Variants in SMARCC1 observed in about 807,000 individuals in gnomAD.
The protein encoded by SMARCC1 is SWI/SNF complex subunit SMARCC1.
A neutral mutation model predicts 147.4 loss-of-function variants in SMARCC1; 43 were observed. The observed-to-expected ratio is 0.29, with a 90% CI of 0.23 to 0.38. The LOEUF (loss-of-function observed/expected upper bound fraction) is 0.38, where lower values mean the gene tolerates loss of function less well. SMARCC1 is among the 10% of genes least tolerant of loss of function. The probability of loss-of-function intolerance (pLI) is 1.00; values close to 1 mark genes in which losing one functional copy is unlikely to be tolerated. For missense variants in SMARCC1, 1,119 were observed against 1,381.1 expected, an observed-to-expected ratio of 0.81 and a Z score of 3.01; for synonymous variants, 495 against 484.4, an observed-to-expected ratio of 1.02 and a Z score of -0.29.
chr3:47,662,660 T>C (rs2033362848), intron 19 of SMARCC1, 68 bp from the exon 20 acceptor site: 1 of 1,305,274 alleles, frequency 7.7e-7, no homozygotes, highest in Non-Finnish European at 1.1e-6. Flanking sequence ...TTAGAAGTTC[T>C]TTAGATAGCT....
rs1393804231 is a variant in SMARCC1 at position 47,661,366 on chromosome 3, T to C, written c.2248A>G (p.Lys750Glu). 1 of 1,613,962 alleles carries C rather than the reference T, an allele frequency of 6.2e-7. No individual in the cohort carries two copies. The highest frequency in any genetic ancestry group is 8.5e-7 in the Non-Finnish European group (1 of 1,179,928). The stretch of plus-strand genomic sequence containing the variant: ...TCCAGACCGTAGGTGGGATCCACTT[T>C]CCCAGAGGCTCGTGCTGCTTCTTGT... ...KVQEAARASG[K>E]VDPTYGLESS... Residue 750 changes from lysine (K) to glutamate (E), a missense_variant, in exon 21 of 28, where the codon AAA (lysine) becomes GAA (glutamate). Transcript: ENST00000254480.
rs116221285 is a variant in SMARCC1 at position 47,715,841 on chromosome 3, C to T, written c.717-1351G>A. 2.0e-3 allele frequency among the ~76,000 whole-genome samples: 309 copies of T among 152,248 alleles called. 1 individual carries two copies. Among genetic ancestry groups the T allele is most frequent in the African/African-American group, 7.0e-3 (290 of 41,544 alleles). ...ACATTCCCTACTAAGCCTGCATACA[C>T]TCTACACAGATTGCTCCCTCACTGT... On this transcript the variant is annotated intron_variant, in intron 7 of 27. Transcript: ENST00000254480.
intron 10 of SMARCC1, among the ~76,000 whole-genome samples, chr3:47,704,983 C>T (rs1217256508): frequency 7.0e-6 from 1 of 143,252 alleles, no homozygotes; most frequent in Non-Finnish European, 1.5e-5. Flanking sequence ...GCTCATGACC[C>T]TGTCTCAAAA....
intron 26 of SMARCC1, among the ~76,000 whole-genome samples, chr3:47,602,313 T>A (rs2106656663): frequency 6.6e-6 from 1 of 152,210 alleles, no homozygotes; most frequent in Middle Eastern, 3.4e-3. Context: ...CCAGTTTTTT[T>A]AAAAGACAGG....
At chr3:47,770,635 C>G (rs529217702) in intron 2 of SMARCC1, among the ~76,000 whole-genome samples, 1 of 151,880 alleles carries the variant, frequency 6.6e-6, no homozygotes, top group African/African-American at 2.4e-5. Flanking sequence ...AAAAAAAGAT[C>G]AGCCTAGGCA....
chr3:47,693,321 G>A (rs963887556), intron 11 of SMARCC1, 21 bp from the exon 12 acceptor site: 1 of 1,418,844 alleles, frequency 7.0e-7, no homozygotes, highest in Non-Finnish European at 9.9e-7. Flanking sequence ...AAAAAAAAGA[G>A]TTATGTTTAT....
chr3:47,684,523 C>G (rs1359315361), intron 14 of SMARCC1, among the ~76,000 whole-genome samples: 4 of 151,656 alleles, frequency 2.6e-5, no homozygotes, highest in Non-Finnish European at 5.9e-5. Context: ...TCAATGCAAC[C>G]TCTGCCTCCT....
chr3:47,648,314 T>C (rs989620475), intron 21 of SMARCC1, among the ~76,000 whole-genome samples: 5 of 152,142 alleles, frequency 3.3e-5, no homozygotes, highest in Non-Finnish European at 5.9e-5. Context: ...TCTTTTTCTA[T>C]GTTCAGCTCA....
intron 3 of SMARCC1, 70 bp from the exon 4 acceptor site, chr3:47,738,180 A>G (rs950199884): frequency 1.0e-6 from 1 of 975,122 alleles, no homozygotes; most frequent in African/African-American, 1.7e-5. Context: ...TGGTTTTAGA[A>G]TTCGATGCAA....
chr3:47,616,723 G>T (rs1274421131), intron 25 of SMARCC1, among the ~76,000 whole-genome samples: 1 of 152,046 alleles, frequency 6.6e-6, no homozygotes, highest in South Asian at 2.1e-4. Context: ...TGGGATTACA[G>T]GTATGAGCCA....
intron 21 of SMARCC1, among the ~76,000 whole-genome samples, chr3:47,640,791 A>C (rs1028189939): frequency 2.0e-5 from 3 of 152,190 alleles, no homozygotes; most frequent in African/African-American, 7.2e-5. Flanking sequence ...ATATTAGACG[A>C]CACTAGGCTA....
intron 2 of SMARCC1, among the ~76,000 whole-genome samples, chr3:47,754,318 T>A (rs1351129532): frequency 2.0e-5 from 3 of 152,040 alleles, no homozygotes; most frequent in African/African-American, 7.2e-5. Flanking sequence ...TTCTCCTGCC[T>A]GAGCCTCCTC....
At chr3:47,695,171 GATTAATGCCCTT>G (rs1476094189) in intron 11 of SMARCC1, among the ~76,000 whole-genome samples, 1 of 152,102 alleles carries the variant, frequency 6.6e-6, no homozygotes, top group East Asian at 1.9e-4. Context: ...TCAAGAACAG[GATTAATGCCCTT>G]ATAACTGGGT....
At chr3:47,674,136 C>G (rs1008600238) in intron 18 of SMARCC1, among the ~76,000 whole-genome samples, 8 of 152,150 alleles carry the variant, frequency 5.3e-5, no homozygotes, top group Non-Finnish European at 7.4e-5. Flanking sequence ...CTCCTTCTGC[C>G]TTTCTGCCAT....
intron 2 of SMARCC1, among the ~76,000 whole-genome samples, chr3:47,758,021 C>A (rs1373271796): frequency 6.6e-6 from 1 of 152,064 alleles, no homozygotes; most frequent in African/African-American, 2.4e-5. Flanking sequence ...TAGCTCTAAG[C>A]TGCAAATTAC....
intron 2 of SMARCC1, among the ~76,000 whole-genome samples, chr3:47,764,517 G>A (rs140639017): frequency 9.3e-4 from 141 of 152,266 alleles, no homozygotes; most frequent in African/African-American, 3.2e-3. Flanking sequence ...CACATGGTAC[G>A]GAGTACAAAC....
rs150405400 is a variant in SMARCC1, at chr3:47,633,773, TATATATACACACACACACACACACAC to T, written c.2646+1391_2646+1416del. ...AAAAAAAAAAAAAAAAATATATATA[TATATATACACACACACACACACACAC>T]ACACACACACACACACACATATATA... On this transcript the variant is annotated intron_variant, in intron 24 of 27. Transcript: ENST00000254480. Among the ~76,000 whole-genome samples, 53 of 13,250 alleles carry T rather than the reference TATATATACACACACACACACACACAC, an allele frequency of 4.0e-3. 8 individuals are homozygous for T. The highest frequency in any genetic ancestry group is 0.17 in the Middle Eastern group (2 of 12). 8.7% of individuals were successfully genotyped at this position (13,250 alleles called of 152,430 possible).
intron 26 of SMARCC1, among the ~76,000 whole-genome samples, chr3:47,599,392 A>G (rs2032350377): frequency 1.3e-5 from 2 of 152,236 alleles, no homozygotes; most frequent in African/African-American, 4.8e-5. Flanking sequence ...CAAAAAAGTT[A>G]TTATAGCAGC....
intron 18 of SMARCC1, among the ~76,000 whole-genome samples, chr3:47,673,729 T>C (rs957985113): frequency 6.6e-6 from 1 of 152,202 alleles, no homozygotes; most frequent in African/African-American, 2.4e-5. Flanking sequence ...GTATGATACA[T>C]ACACAATAAA....
Sources: allele counts gnomAD v4.1 joint callset (sites outside exome capture counted in the v4.1 genomes callset), GRCh38; gene constraint gnomAD v4.1.1; transcripts MANE v1.5; gene names NCBI Gene and HGNC (gene_info 2026-07-23, HGNC 2026-07-21).